The following CDKN2B-AS1 variants were observed in gnomAD, a reference collection of about 807,000 sequenced individuals.
CDKN2B-AS1 encodes CDKN2B and CDKN2A antisense cis and trans regulatory RNA 1.
In CDKN2B-AS1 at chr9:22,094,763, C is replaced by T. The variant is rs1329700222; in HGVS notation, n.439-32340C>T. Among the ~76,000 whole-genome samples, 10 of 143,590 alleles carry T rather than the reference C, an allele frequency of 7.0e-5. 3 individuals carry two copies. The highest frequency in any genetic ancestry group is 2.9e-4 in the African/African-American group (10 of 34,086). 94.2% of individuals were successfully genotyped at this position (143,590 alleles called of 152,430 possible). A position where few individuals can be genotyped will look rare whatever the true frequency, so the allele number is the denominator to read the frequency against. On this transcript the variant is annotated intron_variant and non_coding_transcript_variant, in intron 4 of 4. Coordinates refer to ENST00000650946, the Ensembl canonical transcript of CDKN2B-AS1. Reference sequence around the variant, plus strand: ...CTTCTTTGCCATGGGTTCGAACTTCCTCCTTTAGCTTGGAGTAGTTTGATC... The same window carrying T: ...CTTCTTTGCCATGGGTTCGAACTTCTTCCTTTAGCTTGGAGTAGTTTGATC...
rs3217974 is a variant in CDKN2B-AS1, at chr9:22,009,909, T to G, written n.29+14748T>G. ...TGCGTGTGCTTTTTAATTCTTTCCA[T>G]TTTTGCATTATGGATACAACCCTTA... is the stretch of plus-strand genomic sequence containing the variant. On this transcript the variant is annotated intron_variant and non_coding_transcript_variant, in intron 1 of 4. Transcript: ENST00000650946. Among the ~76,000 whole-genome samples the G allele has an allele frequency of 1.6e-3, 245 of 152,316 alleles. 4 individuals carry two copies. Among genetic ancestry groups the G allele is most frequent in the African/African-American group, 5.6e-3 (234 of 41,562 alleles).
At chr9:22,019,391 A>G (rs1821925111) in intron 1 of CDKN2B-AS1, among the ~76,000 whole-genome samples, 2 of 152,206 alleles carry the variant, frequency 1.3e-5, no homozygotes, top group African/African-American at 4.8e-5. Flanking sequence ...CTGAGCCAAG[A>G]TGGAGAGAAG....
chr9:22,115,739 G>A (rs189556388), intron 4 of CDKN2B-AS1, among the ~76,000 whole-genome samples: 24 of 152,108 alleles, frequency 1.6e-4, no homozygotes, highest in Admixed American at 4.6e-4. Flanking sequence ...ATGGACTTGG[G>A]GATTATTGGT....
In CDKN2B-AS1 at chr9:22,010,033, T is replaced by C. The variant is rs374118909; in HGVS notation, n.29+14872T>C. On this transcript the variant is annotated intron_variant and non_coding_transcript_variant, in intron 1 of 4. Transcript: ENST00000650946. ...AGAATCTGAGATCCCAGTTTCATCATATTTGTACAGTAAATCTTTGTTTGC... is the reference window on the plus strand; with the variant it reads ...AGAATCTGAGATCCCAGTTTCATCACATTTGTACAGTAAATCTTTGTTTGC... 5.9e-5 allele frequency among the ~76,000 whole-genome samples: 9 copies of C among 152,352 alleles called. No individual in the cohort carries two copies. The South Asian group carries it at 1.9e-3, about 32-fold the overall frequency.
intron 1 of CDKN2B-AS1, among the ~76,000 whole-genome samples, chr9:22,018,148 A>G (rs1821859196): frequency 6.6e-6 from 1 of 150,632 alleles, no homozygotes; most frequent in Non-Finnish European, 1.5e-5. Flanking sequence ...ACATGGTGAA[A>G]CCATGTCTCT....
chr9:22,015,179 C>T (rs924385065), intron 1 of CDKN2B-AS1, among the ~76,000 whole-genome samples: 8 of 152,140 alleles, frequency 5.3e-5, no homozygotes, highest in Non-Finnish European at 5.9e-5. Context: ...CCTGAGAAAT[C>T]GCCACACTGA....
At chr9:22,085,558 A>C (rs373178409) in intron 4 of CDKN2B-AS1, among the ~76,000 whole-genome samples, 4 of 152,052 alleles carry the variant, frequency 2.6e-5, no homozygotes, top group South Asian at 2.1e-4. Context: ...GTCTCTACTA[A>C]AAAATACAAA....
chr9:22,043,791 A>T (rs972291665), intron 1 of CDKN2B-AS1, among the ~76,000 whole-genome samples: 2 of 151,972 alleles, frequency 1.3e-5, no homozygotes, highest in East Asian at 1.9e-4. Flanking sequence ...CTAGTTAAAA[A>T]TTTTTAAATA....
At chr9:22,018,188 G>C (rs902418776) in intron 1 of CDKN2B-AS1, among the ~76,000 whole-genome samples, 1 of 151,848 alleles carries the variant, frequency 6.6e-6, no homozygotes, top group Admixed American at 6.6e-5. Flanking sequence ...GCTGGGGGTG[G>C]TGTCAGGCAC....
rs2131180708 is a variant in CDKN2B-AS1 at position 22,006,077 on chromosome 9, G to C, written n.29+10916G>C. 2 of 1,607,042 alleles carry C rather than the reference G, an allele frequency of 1.2e-6. No homozygotes were observed. Among genetic ancestry groups the C allele is most frequent in the Non-Finnish European group, 1.7e-6 (2 of 1,179,680 alleles). On this transcript the variant is annotated intron_variant and non_coding_transcript_variant, in intron 1 of 4. Coordinates refer to ENST00000650946, the Ensembl canonical transcript of CDKN2B-AS1. This position sits in a 1 kb window ranked among gnomAD's most constrained non-coding sequence, Gnocchi z 6.4. ...CCACGGGCAGACGACCCCAGGCATC[G>C]CGCACGTCCAGCCGCGCCCCGGCCC...
chr9:22,010,060 C>G (rs1821420523), intron 1 of CDKN2B-AS1, among the ~76,000 whole-genome samples: 1 of 152,142 alleles, frequency 6.6e-6, no homozygotes, highest in African/African-American at 2.4e-5. Flanking sequence ...TTTGTTTGCA[C>G]TCTTACCTAT....
intron 1 of CDKN2B-AS1, among the ~76,000 whole-genome samples, chr9:22,028,620 A>G (rs920404412): frequency 7.2e-5 from 11 of 152,174 alleles, no homozygotes; most frequent in Non-Finnish European, 1.3e-4. Flanking sequence ...AAAACAAATT[A>G]AAATCAAAAG....
At chr9:22,024,944 G>A (rs569063011) in intron 1 of CDKN2B-AS1, among the ~76,000 whole-genome samples, 6 of 152,274 alleles carry the variant, frequency 3.9e-5, no homozygotes, top group African/African-American at 1.4e-4. Context: ...GAGTGCTCAG[G>A]TTGCACCAGC....
chr9:21,996,127 C>A lies in CDKN2B-AS1; in HGVS notation n.29+966C>A, dbSNP rs374029907. ...GGGAGGAAAGTGAGGCCTGCACTGG[C>A]CGAGCCACCCACTTAAGGCGGTGCG... On this transcript the variant is annotated intron_variant and non_coding_transcript_variant, in intron 1 of 4. Coordinates refer to ENST00000650946, the Ensembl canonical transcript of CDKN2B-AS1. The surrounding 1 kb of genome is among the most constrained non-coding windows in gnomAD (Gnocchi z 5.4). The A allele has an allele frequency of 1.3e-4, 20 of 152,378 alleles. No individual in the cohort carries two copies. The highest frequency in any genetic ancestry group is 3.4e-3 in the Middle Eastern group (1 of 294). The allele number at this position is 152,378 out of a possible 1,614,324, so 9.4% of individuals were successfully genotyped here. A position where few individuals can be genotyped will look rare whatever the true frequency, so the allele number is the denominator to read the frequency against.
chr9:22,081,595 C>T (rs1587505434), intron 4 of CDKN2B-AS1, among the ~76,000 whole-genome samples: 1 of 152,198 alleles, frequency 6.6e-6, no homozygotes, highest in South Asian at 2.1e-4. Context: ...GCACAGCATG[C>T]AAATTAATTC....
chr9:22,096,470 T>A lies in CDKN2B-AS1; in HGVS notation n.439-30633T>A, dbSNP rs555291291. ...CACAGATGCCTAACGCACTATGGTA[T>A]GGAAGGTGCTATGGACACAGTGCTC... On this transcript the variant is annotated intron_variant and non_coding_transcript_variant, in intron 4 of 4. Coordinates refer to ENST00000650946, the Ensembl canonical transcript of CDKN2B-AS1. The A allele has an allele frequency of 2.6e-5, 4 of 152,324 alleles. No homozygotes were observed. In the South Asian group the frequency reaches 8.3e-4, roughly 32 times the overall value. 9.4% of individuals were successfully genotyped at this position (152,324 alleles called of 1,614,324 possible).
At chr9:22,081,072 C>T (rs1824676085) in intron 4 of CDKN2B-AS1, among the ~76,000 whole-genome samples, 1 of 152,048 alleles carries the variant, frequency 6.6e-6, no homozygotes, top group Non-Finnish European at 1.5e-5. Flanking sequence ...CTGTTCTATG[C>T]TTTAAATAAA....
intron 4 of CDKN2B-AS1, among the ~76,000 whole-genome samples, chr9:22,075,759 C>G (rs947855166): frequency 1.8e-4 from 28 of 152,146 alleles, no homozygotes; most frequent in African/African-American, 5.8e-4. Context: ...AGGTGGGACA[C>G]CTAAGGGACA....
At chr9:22,121,047 T>G (rs1422244424) in intron 4 of CDKN2B-AS1, 1 of 152,138 alleles carries the variant, frequency 6.6e-6, no homozygotes, top group African/African-American at 2.4e-5. Context: ...TTAACAACTA[T>G]GCTATATACA....
Sources: allele counts gnomAD v4.1 joint callset (sites outside exome capture counted in the v4.1 genomes callset), GRCh38; gene constraint gnomAD v4.1.1; non-coding constraint Gnocchi (gnomAD v3.1); transcripts MANE v1.5; gene names NCBI Gene and HGNC (gene_info 2026-07-23, HGNC 2026-07-21).